The following KIF13B variants were observed in gnomAD, a reference collection of about 807,000 sequenced individuals.
KIF13B encodes the protein kinesin-like protein KIF13B.
A neutral mutation model predicts 222.0 loss-of-function variants in KIF13B; 127 were observed. The observed-to-expected ratio is 0.57, with a 90% CI of 0.50 to 0.66. The LOEUF is 0.66. Among genes scored for constraint, KIF13B ranks in the 30% least tolerant of loss-of-function variants. The probability of loss-of-function intolerance (pLI) is 0.00; values close to 1 mark genes in which losing one functional copy is unlikely to be tolerated. For missense variants in KIF13B, 2,173 were observed against 2,379.0 expected (o/e 0.91, Z 1.80); for synonymous variants, 976 against 919.0 (o/e 1.06, Z -1.12).
chr8:29,178,661 A>AG (rs1157608249), intron 8 of KIF13B, among the ~76,000 whole-genome samples: 3 of 151,806 alleles, frequency 2.0e-5, no homozygotes, highest in Admixed American at 6.6e-5. Context: ...TTAAAAAAAA[A>AG]AAAAAAAAGT....
chr8:29,260,408 A>C (rs1439137326), intron 1 of KIF13B, among the ~76,000 whole-genome samples: 1 of 152,334 alleles, frequency 6.6e-6, no homozygotes, highest in East Asian at 1.9e-4. Context: ...GTCCTCTTTT[A>C]TAGATAGCGA....
At chr8:29,222,349 C>G (rs1406693986) in intron 2 of KIF13B, among the ~76,000 whole-genome samples, 5 of 151,872 alleles carry the variant, frequency 3.3e-5, no homozygotes, top group Non-Finnish European at 5.9e-5. Context: ...ACAGCAAGAC[C>G]CCGTCTCAAA....
At chr8:29,217,733 TC>T (rs1358820287) in intron 2 of KIF13B, among the ~76,000 whole-genome samples, 1 of 152,132 alleles carries the variant, frequency 6.6e-6, no homozygotes, top group Non-Finnish European at 1.5e-5. Flanking sequence ...TGGAGAAAAC[TC>T]CAGAATAACA....
rs1554614396 is a variant in KIF13B, at chr8:29,182,021, C to T, written c.498-15G>A. 3.1e-6 allele frequency: 5 copies of T among 1,603,754 alleles called. No individual in the cohort carries two copies. The highest frequency in any genetic ancestry group is 4.3e-6 in the Non-Finnish European group (5 of 1,171,818). ...TCTGACGGCTTCTGTTCATGAAAAA[C>T]AAAGAAATGATTTTTTAACAATAGC... On this transcript the variant is annotated splice_polypyrimidine_tract_variant and intron_variant, in intron 6 of 39. Coordinates refer to ENST00000524189, the MANE Select transcript of KIF13B (RefSeq NM_015254.4).
At chr8:29,119,102 T>G in intron 29 of KIF13B, 110 bp from the exon 30 acceptor site, 2 of 1,194,560 alleles carry the variant, frequency 1.7e-6, no homozygotes, top group South Asian at 3.0e-5. Context: ...TTTCATTTGC[T>G]TTTTGCTCTG....
intron 1 of KIF13B, among the ~76,000 whole-genome samples, chr8:29,246,736 T>TA (rs1816042382): frequency 6.6e-6 from 1 of 152,196 alleles, no homozygotes; most frequent in Non-Finnish European, 1.5e-5. Flanking sequence ...GTGCAGTACT[T>TA]ACATAAGGAA....
At chr8:29,159,451 A>T (rs1200929328) in intron 13 of KIF13B, among the ~76,000 whole-genome samples, 1 of 152,130 alleles carries the variant, frequency 6.6e-6, no homozygotes. Context: ...CGCCCAGCCA[A>T]TAATATATCA....
intron 2 of KIF13B, among the ~76,000 whole-genome samples, chr8:29,209,872 C>A (rs1012131404): frequency 7.1e-6 from 1 of 141,646 alleles, no homozygotes; most frequent in African/African-American, 2.6e-5. Context: ...GGCAGTGAGA[C>A]CCTACCTCTC....
chr8:29,073,968 C>G (rs1338784236), intron 38 of KIF13B, among the ~76,000 whole-genome samples: 2 of 152,234 alleles, frequency 1.3e-5, no homozygotes, highest in African/African-American at 4.8e-5. Flanking sequence ...TTCCTTTGCA[C>G]ATTGTCCATG....
At chr8:29,083,093 C>T (rs566019101) in intron 37 of KIF13B, among the ~76,000 whole-genome samples, 2 of 152,252 alleles carry the variant, frequency 1.3e-5, no homozygotes, top group East Asian at 1.9e-4. Context: ...CACACCACTG[C>T]ACTCCAGCCT....
chr8:29,095,698 C>T (rs1808489752), intron 36 of KIF13B, among the ~76,000 whole-genome samples: 1 of 152,088 alleles, frequency 6.6e-6, no homozygotes. Context: ...ACCCGGGAGG[C>T]AGAGGTTGTG....
At position 29,085,512 on chromosome 8, in the gene KIF13B, G is replaced by A. The variant is rs368368774; in HGVS notation, c.4458+7233C>T. Among the ~76,000 whole-genome samples, 6 of 151,700 alleles carry A rather than the reference G, an allele frequency of 4.0e-5. No homozygotes were observed. The South Asian group carries it at 8.3e-4, about 21-fold the overall frequency. On this transcript the variant is annotated intron_variant, in intron 37 of 39. Transcript: ENST00000524189. ...TTTTTATTTTATTTTTGAGACAGGT[G>A]TGTGTCACCACACCCACATATTTTT...
chr8:29,130,450 T>C (rs938260843), intron 24 of KIF13B, 83 bp downstream of exon 24: 3 of 1,380,116 alleles, frequency 2.2e-6, no homozygotes, highest in African/African-American at 2.9e-5. Flanking sequence ...ATTTCATTAT[T>C]GCCAACATTT....
rs1809735491 is a variant in KIF13B at position 29,119,050 on chromosome 8, A to G, written c.3536-58T>C. The G allele has an allele frequency of 3.9e-6, 6 of 1,538,368 alleles. No individual in the cohort carries two copies. In the Admixed American group the frequency reaches 9.9e-5, roughly 25 times the overall value. ...ATCATTTTCAAGGATAACCCCTACC[A>G]GCTAAATTTCAATGTGATTATTACA... On this transcript the variant is annotated intron_variant, in intron 29 of 39. Transcript: ENST00000524189.
chr8:29,226,111 C>T (rs533001450), intron 2 of KIF13B, among the ~76,000 whole-genome samples: 14 of 151,958 alleles, frequency 9.2e-5, no homozygotes, highest in African/African-American at 2.9e-4. Context: ...GATCTAGAGA[C>T]GGATTGATTC....
chr8:29,089,900 A>G (rs955451771), intron 37 of KIF13B, among the ~76,000 whole-genome samples: 14 of 151,956 alleles, frequency 9.2e-5, no homozygotes, highest in South Asian at 2.1e-4. Flanking sequence ...AAAAAAAAAA[A>G]AAAGAAAGAA....
chr8:29,099,259 G>C lies in KIF13B; in HGVS notation c.4216-18C>G. 1 of 1,558,600 alleles carries C rather than the reference G, an allele frequency of 6.4e-7. No homozygotes were observed. Among genetic ancestry groups the C allele is most frequent in the Non-Finnish European group, 8.7e-7 (1 of 1,149,710 alleles). ...CACCGGCCCTAGTAAAGACAAAATT[G>C]GCAATTTTGTTTCAAGTTATTCAAT... On this transcript the variant is annotated intron_variant, in intron 35 of 39. Coordinates refer to ENST00000524189, the MANE Select transcript of KIF13B (RefSeq NM_015254.4).
intron 1 of KIF13B, among the ~76,000 whole-genome samples, chr8:29,248,929 A>G (rs1215885426): frequency 6.6e-6 from 1 of 152,208 alleles, no homozygotes; most frequent in Non-Finnish European, 1.5e-5. Context: ...AAAATGTTCT[A>G]AAATTGATTG....
At chr8:29,133,090 T>C (rs1167051826) in intron 22 of KIF13B, among the ~76,000 whole-genome samples, 1 of 152,184 alleles carries the variant, frequency 6.6e-6, no homozygotes, top group African/African-American at 2.4e-5. Flanking sequence ...ATTTTGGCTT[T>C]AAACGGATTA....
Sources: allele counts gnomAD v4.1 joint callset (sites outside exome capture counted in the v4.1 genomes callset), GRCh38; gene constraint gnomAD v4.1.1; transcripts MANE v1.5; gene names NCBI Gene and HGNC (gene_info 2026-07-23, HGNC 2026-07-21).